SNX29: variants seen among roughly 807,000 people sequenced by gnomAD.
SNX29 encodes the protein sorting nexin 29, also known as sorting nexin-29.
Under a neutral mutation model 102.1 loss-of-function variants are expected in SNX29, and 78 were observed. That is an observed-to-expected ratio of 0.76 (90% confidence interval 0.64 to 0.92). The LOEUF is 0.92. Among genes scored for constraint, SNX29 ranks in the 40% least tolerant of loss-of-function variants. SNX29 has a pLI of 0.00. For missense variants in SNX29, 1,280 were observed against 1,061.7 expected (o/e 1.21, Z -2.86); for synonymous variants, 580 against 414.5 (o/e 1.40, Z -4.85).
At chr16:12,460,694 G>A (rs987720194) in intron 18 of SNX29, among the ~76,000 whole-genome samples, 1 of 133,790 alleles carries the variant, frequency 7.5e-6, no homozygotes, top group Non-Finnish European at 1.5e-5. Context: ...GTCTAGCTCT[G>A]TTGCCTAGGC....
intron 20 of SNX29, chr16:12,546,432 G>A (rs936789446): frequency 1.3e-5 from 2 of 152,182 alleles, no homozygotes; most frequent in African/African-American, 2.4e-5. Context: ...CACCATCGAT[G>A]TGAGCTAGGA....
At chr16:12,563,737 C>G (rs993322705) in intron 20 of SNX29, among the ~76,000 whole-genome samples, 1 of 152,228 alleles carries the variant, frequency 6.6e-6, no homozygotes, top group Non-Finnish European at 1.5e-5. Flanking sequence ...CACTGTCATT[C>G]TTTACCCAAC....
intron 13 of SNX29, among the ~76,000 whole-genome samples, chr16:12,165,021 G>T (rs2141696204): frequency 6.6e-6 from 1 of 152,264 alleles, no homozygotes; most frequent in Middle Eastern, 3.4e-3. Flanking sequence ...TTCTCCTGTG[G>T]CTGTTCTTGA....
At chr16:12,290,211 T>G (rs996395853) in intron 15 of SNX29, among the ~76,000 whole-genome samples, 1 of 152,226 alleles carries the variant, frequency 6.6e-6, no homozygotes, top group African/African-American at 2.4e-5. Context: ...TTTGCTATAC[T>G]CTTGCCTTCC....
intron 20 of SNX29, among the ~76,000 whole-genome samples, chr16:12,558,268 G>C (rs1331354063): frequency 6.6e-6 from 1 of 152,070 alleles, no homozygotes. Context: ...CTTCTGAAAT[G>C]TCAGGCTGAG....
intron 18 of SNX29, among the ~76,000 whole-genome samples, chr16:12,419,801 G>C (rs756188245): frequency 6.6e-6 from 1 of 152,172 alleles, no homozygotes; most frequent in East Asian, 1.9e-4. Context: ...CCAGTGCCTG[G>C]GTAGGTGTGA....
chr16:12,200,989 G>C (rs1005721844), intron 14 of SNX29, among the ~76,000 whole-genome samples: 2 of 152,224 alleles, frequency 1.3e-5, no homozygotes, highest in African/African-American at 4.8e-5. Context: ...TTGTGTGATG[G>C]AGACAGGATT....
At chr16:12,078,389 C>T (rs1408624757) in intron 10 of SNX29, among the ~76,000 whole-genome samples, 3 of 152,018 alleles carry the variant, frequency 2.0e-5, no homozygotes, top group Admixed American at 6.6e-5. Flanking sequence ...GCACAAGAAT[C>T]GCTTGAACCC....
chr16:11,995,210 C>T (rs755336804), intron 1 of SNX29, among the ~76,000 whole-genome samples: 6 of 152,186 alleles, frequency 3.9e-5, no homozygotes, highest in Non-Finnish European at 8.8e-5. Context: ...GGACTACAGG[C>T]GCCCGTCACC....
In SNX29 at chr16:12,084,077, CAT is replaced by C. The variant is rs141867003; in HGVS notation, c.1402+5163_1402+5164del. ...AGAGAAGATGGTGTATCCAGACCCA[CAT>C]GATTGTTCTCCTACTGCAAGGCCCT... is the stretch of plus-strand genomic sequence containing the variant. On this transcript the variant is annotated intron_variant, in intron 11 of 20. Coordinates refer to ENST00000566228, the MANE Select transcript of SNX29 (RefSeq NM_032167.5). Among the ~76,000 whole-genome samples, 1,103 of 152,230 alleles carry C rather than the reference CAT, an allele frequency of 7.2e-3. 11 individuals carry two copies. Among genetic ancestry groups the C allele is most frequent in the African/African-American group, 0.026 (1,063 of 41,524 alleles).
intron 13 of SNX29, among the ~76,000 whole-genome samples, chr16:12,186,490 C>T (rs542917954): frequency 9.8e-5 from 15 of 152,308 alleles, no homozygotes; most frequent in Middle Eastern, 3.4e-3. Flanking sequence ...CTTCCTTACA[C>T]GACCGCAGTG....
intron 14 of SNX29, among the ~76,000 whole-genome samples, chr16:12,225,960 A>C (rs763036072): frequency 6.0e-4 from 92 of 152,326 alleles, no homozygotes; most frequent in Non-Finnish European, 8.5e-4. Flanking sequence ...TGTGTTTTAC[A>C]CTGGGAAACT....
chr16:12,221,538 C>T (rs779945862), intron 14 of SNX29, among the ~76,000 whole-genome samples: 96 of 152,100 alleles, frequency 6.3e-4, no homozygotes, highest in African/African-American at 9.9e-4. Flanking sequence ...CACTTGAACC[C>T]GGGAGGTGGA....
At chr16:12,009,856 C>A (rs1256123143) in intron 3 of SNX29, among the ~76,000 whole-genome samples, 2 of 152,212 alleles carry the variant, frequency 1.3e-5, no homozygotes, top group African/African-American at 4.8e-5. Context: ...CTAGAAGTTA[C>A]CTCAAAGACT....
At chr16:12,191,796 G>A (rs2076649853) in intron 13 of SNX29, among the ~76,000 whole-genome samples, 1 of 152,216 alleles carries the variant, frequency 6.6e-6, no homozygotes, top group African/African-American at 2.4e-5. Flanking sequence ...CACAAAGCCA[G>A]GCGATTTATG....
chr16:12,044,695 C>T (rs1338596082), intron 5 of SNX29, among the ~76,000 whole-genome samples: 2 of 152,184 alleles, frequency 1.3e-5, no homozygotes, highest in African/African-American at 4.8e-5. Context: ...TCTCCTGCCT[C>T]AGCCTCCCGA....
chr16:12,243,542 G>C (rs1338351423), intron 14 of SNX29, among the ~76,000 whole-genome samples: 1 of 152,150 alleles, frequency 6.6e-6, no homozygotes, highest in Non-Finnish European at 1.5e-5. Flanking sequence ...GATCTGTTAG[G>C]ACAGCAGCCT....
intron 19 of SNX29, among the ~76,000 whole-genome samples, chr16:12,486,149 G>A (rs1021571539): frequency 6.6e-6 from 1 of 152,110 alleles, no homozygotes; most frequent in Non-Finnish European, 1.5e-5. Flanking sequence ...TTCTTGGCTC[G>A]TGGCCCCTTC....
At chr16:12,151,828 CG>C (rs1176377530) in intron 13 of SNX29, among the ~76,000 whole-genome samples, 1 of 152,280 alleles carries the variant, frequency 6.6e-6, no homozygotes, top group East Asian at 1.9e-4. Flanking sequence ...CTCTGCCTCC[CG>C]GGTTCAAGTG....
Sources: gnomAD v4.1 joint callset for allele counts (sites outside exome capture counted in the v4.1 genomes callset) on GRCh38, gnomAD v4.1.1 for gene constraint, MANE v1.5 for transcripts, NCBI Gene and HGNC (gene_info 2026-07-23, HGNC 2026-07-21) for gene names.